The following PDC variants were observed in gnomAD, a reference collection of about 807,000 sequenced individuals.
The protein encoded by PDC is 33 kDa phototransducing protein.
A neutral mutation model predicts 22.2 loss-of-function variants in PDC; 19 were observed. That is an observed-to-expected ratio of 0.86 (90% confidence interval 0.60 to 1.26). The LOEUF (loss-of-function observed/expected upper bound fraction) is 1.26. Ranked by LOEUF, PDC falls within the 50% of genes most tolerant of loss-of-function variation. The pLI is 0.00. For missense variants in PDC, 274 were observed against 286.8 expected, an observed-to-expected ratio of 0.96 and a Z score of 0.32; for synonymous variants, 97 against 96.2, an observed-to-expected ratio of 1.01 and a Z score of -0.05.
chr1:186,459,752 G>GTATATGTATATATA, intron 1 of PDC, among the ~76,000 whole-genome samples: 1 of 112,084 alleles, frequency 8.9e-6, no homozygotes, highest in Non-Finnish European at 1.9e-5. Context: ...GTGTGTGTGT[G>GTATATGTATATATA]TATATATATA....
intron 1 of PDC, among the ~76,000 whole-genome samples, chr1:186,453,331 C>T (rs1293315254): frequency 6.6e-6 from 1 of 152,064 alleles, no homozygotes; most frequent in Non-Finnish European, 1.5e-5. Context: ...AATTTTTACG[C>T]ATTAGTTTTA....
intron 2 of PDC, among the ~76,000 whole-genome samples, chr1:186,448,013 G>A (rs903620555): frequency 2.6e-5 from 4 of 152,102 alleles, no homozygotes; most frequent in Non-Finnish European, 4.4e-5. Flanking sequence ...TTGAGGCATG[G>A]TGTTCCATTG....
intron 2 of PDC, chr1:186,448,618 A>G: frequency 1.3e-6 from 1 of 787,924 alleles, no homozygotes; most frequent in Non-Finnish European, 1.5e-6. Context: ...TTATAAATGA[A>G]TTTACCAACC....
In PDC at chr1:186,454,168, C is replaced by CTTT. The variant is rs397860509; in HGVS notation, c.-24-4688_-24-4686dup. Reference sequence around the variant, plus strand: ...GTCTGTTTATTTCTTTCTTTTCTTTCTTTTTTTTTTTTTTTTTTTTTTTGA... The same window carrying CTTT: ...GTCTGTTTATTTCTTTCTTTTCTTTCTTTTTTTTTTTTTTTTTTTTTTTTTTGA... On this transcript the variant is annotated intron_variant, in intron 1 of 3. Transcript: ENST00000391997. Among the ~76,000 whole-genome samples the CTTT allele has an allele frequency of 5.1e-3, 484 of 94,174 alleles. 9 individuals carry two copies. Among genetic ancestry groups the CTTT allele is most frequent in the African/African-American group, 0.011 (253 of 22,884 alleles). The allele number at this position is 94,174 out of a possible 152,430, so 61.8% of individuals were successfully genotyped here. A position where few individuals can be genotyped will look rare whatever the true frequency, so the allele number is the denominator to read the frequency against.
intron 2 of PDC, among the ~76,000 whole-genome samples, chr1:186,449,155 G>A (rs1220033474): frequency 6.6e-6 from 1 of 151,552 alleles, no homozygotes; most frequent in Non-Finnish European, 1.5e-5. Flanking sequence ...TGTGATAGCT[G>A]GGCAGCAAGA....
chr1:186,455,797 T>TAAAAAAAAAAAAAAAAAAAA (rs71104862), intron 1 of PDC, among the ~76,000 whole-genome samples: 6 of 39,362 alleles, frequency 1.5e-4, no homozygotes, highest in East Asian at 2.1e-3. Context: ...CCGTCTCTAC[T>TAAAAAAAAAAAAAAAAAAAA]AAAAAAAAAA....
intron 1 of PDC, among the ~76,000 whole-genome samples, chr1:186,454,177 T>C (rs1425367639): frequency 7.0e-6 from 1 of 142,118 alleles, no homozygotes. Flanking sequence ...TCTTTTTTTT[T>C]TTTTTTTTTT....
chr1:186,459,466 G>A (rs1310992524), intron 1 of PDC, among the ~76,000 whole-genome samples: 1 of 152,026 alleles, frequency 6.6e-6, no homozygotes, highest in Non-Finnish European at 1.5e-5. Flanking sequence ...TACTTGTTCT[G>A]GAGAAAATAG....
chr1:186,455,697 C>T (rs1328079209), intron 1 of PDC, among the ~76,000 whole-genome samples: 1 of 150,228 alleles, frequency 6.7e-6, no homozygotes, highest in Non-Finnish European at 1.5e-5. Flanking sequence ...CGCAGTGGCT[C>T]ACTCCTGTAG....
chr1:186,459,137 G>A (rs1662527916), intron 1 of PDC, among the ~76,000 whole-genome samples: 2 of 152,136 alleles, frequency 1.3e-5, no homozygotes, highest in African/African-American at 4.8e-5. Flanking sequence ...ACTCCAGCCT[G>A]GGGGACAGAA....
Position 186,449,691 on chromosome 1 carries a change from C to A in PDC, c.-24-208G>T, listed in dbSNP as rs115763913. Among the ~76,000 whole-genome samples the A allele has an allele frequency of 3.4e-3, 520 of 152,218 alleles. 2 individuals are homozygous for A. The highest frequency in any genetic ancestry group is 0.012 in the African/African-American group (492 of 41,538). ...GCAATGTAAAAGGACATTAATTTAA[C>A]ATGTGTTATTAAAGATGTCTGGACT... On this transcript the variant is annotated intron_variant, in intron 1 of 3. Transcript: ENST00000391997.
At chr1:186,459,373 C>G (rs1571728650) in intron 1 of PDC, among the ~76,000 whole-genome samples, 1 of 152,116 alleles carries the variant, frequency 6.6e-6, no homozygotes, top group Non-Finnish European at 1.5e-5. Context: ...CTGTGTTGGC[C>G]GGGTCTCCAG....
chr1:186,449,392 T>C lies in PDC; in HGVS notation c.61+7A>G. 1 of 1,582,004 alleles carries C rather than the reference T, an allele frequency of 6.3e-7. No individual in the cohort carries two copies. Among genetic ancestry groups the C allele is most frequent in the Non-Finnish European group, 8.6e-7 (1 of 1,156,278 alleles). On this transcript the variant is annotated splice_region_variant and intron_variant, in intron 2 of 3. Coordinates refer to ENST00000391997, the MANE Select transcript of PDC (RefSeq NM_002597.5). ...TAATAATTATTTTTTCTTCTAGCTT[T>C]GCTTGCCTGTATGTGTGGCCTGTCC...
rs1192151650 is a variant in PDC at position 186,446,492 on chromosome 1, A to G, written c.147T>C (p.Ile49=). ...SDSIPPSKKE[I]LRQMSSPQSR... is the part of the protein sequence containing the mutation. ...TCTGAGGAGAAGACATTTGCCTGAG[A>G]ATCTCCTTCTTGCTAGGTGGAATTG... The change falls in exon 3 of 4, where the codon ATT becomes ATC. Residue 49 remains isoleucine (I), a synonymous_variant. Coordinates refer to ENST00000391997, the MANE Select transcript of PDC (RefSeq NM_002597.5). 1 of 1,607,512 alleles carries G rather than the reference A, an allele frequency of 6.2e-7. No homozygotes were observed.
At position 186,443,987 on chromosome 1, in the gene PDC, C is replaced by T. The variant is rs2102125659; in HGVS notation, c.733G>A (p.Val245Ile). Residue 245 changes from valine to isoleucine, a missense_variant, in exon 4 of 4, where the codon GTT becomes ATT. Coordinates refer to ENST00000391997, the MANE Select transcript of PDC (RefSeq NM_002597.5). ...LEHTKIEEED[V>I]E Reference sequence around the variant, plus strand: ...ATTGACATAGTGAATCTTCATTCAACATCTTCTTCTTCTATTTTGGTATGC... The same window carrying T: ...ATTGACATAGTGAATCTTCATTCAATATCTTCTTCTTCTATTTTGGTATGC... 1 of 1,600,546 alleles carries T rather than the reference C, an allele frequency of 6.2e-7. No individual in the cohort carries two copies. The highest frequency in any genetic ancestry group is 8.5e-7 in the Non-Finnish European group (1 of 1,170,172).
chr1:186,448,814 T>A, intron 2 of PDC: 1 of 186,814 alleles, frequency 5.4e-6, no homozygotes, highest in Non-Finnish European at 1.0e-5. Flanking sequence ...ACCATTCAAA[T>A]AAGATTTAGT....
intron 1 of PDC, among the ~76,000 whole-genome samples, chr1:186,460,283 G>A (rs1662556798): frequency 6.6e-6 from 1 of 152,198 alleles, no homozygotes; most frequent in African/African-American, 2.4e-5. Context: ...AGTGTACTGA[G>A]TAGCTTGATG....
Position 186,452,638 on chromosome 1 carries a change from A to G in PDC, c.-24-3155T>C, listed in dbSNP as rs527537051. 6.6e-5 allele frequency among the ~76,000 whole-genome samples: 10 copies of G among 152,372 alleles called. No homozygotes were observed. In the East Asian group the frequency reaches 1.7e-3, roughly 26 times the overall value. The stretch of plus-strand genomic sequence containing the variant: ...TAGATAAAATAAAAATACATCTTTT[A>G]CATATGTGTATGCAATATATCAGTC... On this transcript the variant is annotated intron_variant, in intron 1 of 3. Coordinates refer to ENST00000391997, the MANE Select transcript of PDC (RefSeq NM_002597.5).
chr1:186,445,789 G>A (rs1662215356), intron 3 of PDC, among the ~76,000 whole-genome samples: 1 of 151,998 alleles, frequency 6.6e-6, no homozygotes, highest in African/African-American at 2.4e-5. Context: ...ATGAGACTCT[G>A]TCTCAAAATG....
Sources: allele counts gnomAD v4.1 joint callset (sites outside exome capture counted in the v4.1 genomes callset), GRCh38; gene constraint gnomAD v4.1.1; transcripts MANE v1.5; gene names NCBI Gene and HGNC (gene_info 2026-07-23, HGNC 2026-07-21).